LCOR: variants seen among roughly 807,000 people sequenced by gnomAD.
The protein encoded by LCOR is ligand dependent nuclear receptor corepressor, also known as ligand-dependent corepressor.
A neutral mutation model predicts 64.4 loss-of-function variants in LCOR; 14 were observed. That is an observed-to-expected ratio of 0.22 (90% confidence interval 0.14 to 0.34). The LOEUF (loss-of-function observed/expected upper bound fraction) is 0.34, where lower values mean the gene tolerates loss of function less well. Among genes scored for constraint, LCOR ranks in the 10% least tolerant of loss-of-function variants. The probability of loss-of-function intolerance (pLI) is 1.00; values close to 1 mark genes in which losing one functional copy is unlikely to be tolerated. For synonymous variants in LCOR, 643 were observed against 642.5 expected, an observed-to-expected ratio of 1.00 and a Z score of -0.01; for missense variants, 1,686 against 1,765.3, an observed-to-expected ratio of 0.96 and a Z score of 0.80.
At chr10:96,878,386 A>T (rs1045503824) in intron 2 of LCOR, among the ~76,000 whole-genome samples, 1 of 152,208 alleles carries the variant, frequency 6.6e-6, no homozygotes, top group Non-Finnish European at 1.5e-5. Context: ...AGAGGACAGA[A>T]GTGATTAGGA....
intron 7 of LCOR, among the ~76,000 whole-genome samples, chr10:96,965,099 C>T (rs1232587210): frequency 1.3e-5 from 2 of 151,660 alleles, no homozygotes; most frequent in East Asian, 4.0e-4. Context: ...AGCTCTGCTT[C>T]CTGGGTTCAC....
At chr10:96,953,757 AAAATG>A (rs1309632826) in intron 7 of LCOR, among the ~76,000 whole-genome samples, 1 of 152,198 alleles carries the variant, frequency 6.6e-6, no homozygotes, top group Non-Finnish European at 1.5e-5. Context: ...TTATGGAAGA[AAAATG>A]CACCAATAGG....
At chr10:96,926,122 G>C (rs1324596706) in intron 4 of LCOR, among the ~76,000 whole-genome samples, 1 of 152,098 alleles carries the variant, frequency 6.6e-6, no homozygotes, top group East Asian at 1.9e-4. Flanking sequence ...TTTTTCTAAA[G>C]AGATCTGGTT....
intron 7 of LCOR, among the ~76,000 whole-genome samples, chr10:96,972,809 A>C (rs532424327): frequency 2.6e-5 from 4 of 152,126 alleles, no homozygotes; most frequent in Non-Finnish European, 5.9e-5. Context: ...TTTTTCCCCC[A>C]GTTTCGATTA....
chr10:96,918,355 A>G (rs151330552), intron 4 of LCOR, among the ~76,000 whole-genome samples: 5 of 152,230 alleles, frequency 3.3e-5, no homozygotes, highest in Non-Finnish European at 5.9e-5. Flanking sequence ...ACATACTACA[A>G]TGGGCTTTGA....
At chr10:96,884,027 A>G (rs950356101) in intron 2 of LCOR, among the ~76,000 whole-genome samples, 1 of 148,602 alleles carries the variant, frequency 6.7e-6, no homozygotes, top group East Asian at 1.9e-4. Context: ...AAATGTTTAT[A>G]CTGTTAAATA....
At chr10:96,942,896 A>G (rs1271906962) in intron 4 of LCOR, among the ~76,000 whole-genome samples, 1 of 152,234 alleles carries the variant, frequency 6.6e-6, no homozygotes, top group South Asian at 2.1e-4. Context: ...TATATGCACT[A>G]GAACTTAACA....
At chr10:96,864,522 G>T (rs7921885) in intron 2 of LCOR, among the ~76,000 whole-genome samples, 21,436 of 152,042 alleles carry the variant, frequency 0.14, 2,082 homozygotes, top group African/African-American at 0.27. Context: ...GTTCCTGCTC[G>T]CATGGCACTT....
chr10:96,844,500 AC>A (rs1183697764), intron 2 of LCOR, among the ~76,000 whole-genome samples: 1 of 152,118 alleles, frequency 6.6e-6, no homozygotes, highest in Non-Finnish European at 1.5e-5. Flanking sequence ...CCATAATCTT[AC>A]CATAAACAGG....
intron 2 of LCOR, among the ~76,000 whole-genome samples, chr10:96,903,639 G>T (rs984131801): frequency 8.5e-5 from 13 of 152,066 alleles, no homozygotes; most frequent in Non-Finnish European, 1.6e-4. Context: ...AGGCTATATT[G>T]CTGACCTTAG....
chr10:96,937,008 CTG>C (rs949386637), intron 4 of LCOR, among the ~76,000 whole-genome samples: 4 of 152,132 alleles, frequency 2.6e-5, no homozygotes, highest in Non-Finnish European at 4.4e-5. Context: ...CCATGGGTAA[CTG>C]TGGAAAGCAA....
intron 4 of LCOR, among the ~76,000 whole-genome samples, chr10:96,912,089 G>A (rs979888840): frequency 6.6e-6 from 1 of 151,696 alleles, no homozygotes; most frequent in African/African-American, 2.4e-5. Context: ...ATGCCACCAC[G>A]CCCAGCTAAT....
rs1848185951 is a variant in LCOR, at chr10:96,990,091, G to GCT, written c.*4961_*4962dup. The GCT allele has an allele frequency of 6.6e-6, 1 of 152,016 alleles. No individual in the cohort carries two copies. Among genetic ancestry groups the GCT allele is most frequent in the Admixed American group, 6.6e-5 (1 of 15,260 alleles). The allele number at this position is 152,016 out of a possible 1,614,324, so 9.4% of individuals were successfully genotyped here. Reference sequence around the variant, plus strand: ...GCAGTAAGTGCTATTCCCCATGCTTGCTCTCAAATCCTTTTCAGGGGAAAA... The same window carrying GCT: ...GCAGTAAGTGCTATTCCCCATGCTTGCTCTCTCAAATCCTTTTCAGGGGAAAA... On this transcript the variant is annotated 3_prime_UTR_variant, in exon 8 of 8. Coordinates refer to ENST00000421806, the MANE Select transcript of LCOR (RefSeq NM_001346516.2).
chr10:96,982,670 A>G lies in LCOR; in HGVS notation c.2210A>G (p.Asp737Gly). Reference sequence around the variant, plus strand: ...ATCAGTGCTGAGGTTGAGTCTGGAGACACCCAGGAGCTAAATGTCGACCCA... The same window carrying G: ...ATCAGTGCTGAGGTTGAGTCTGGAGGCACCCAGGAGCTAAATGTCGACCCA... ...QSISAEVESG[D>G]TQELNVDPLL... The change falls in exon 8 of 8, where the codon GAC becomes GGC. Residue 737 changes from aspartate (D) to glycine (G), a missense_variant. Physicochemically the swap from Asp to Gly is moderately conservative, Grantham distance 94. Coordinates refer to ENST00000421806, the MANE Select transcript of LCOR (RefSeq NM_001346516.2). 6.2e-7 allele frequency: 1 copy of G among 1,614,130 alleles called. No homozygotes were observed. Among genetic ancestry groups the G allele is most frequent in the Non-Finnish European group, 8.5e-7 (1 of 1,180,026 alleles).
rs140119687 is a variant in LCOR, at chr10:96,916,895, G to A, written c.-184+9148G>A. Reference sequence around the variant, plus strand: ...TTCCCAAAGTGCTGGGATTACAGGCGTGAGCCACTGTGCCCAGCCTCTATG... The same window carrying A: ...TTCCCAAAGTGCTGGGATTACAGGCATGAGCCACTGTGCCCAGCCTCTATG... On this transcript the variant is annotated intron_variant, in intron 4 of 7. Transcript: ENST00000421806. Among the ~76,000 whole-genome samples the A allele has an allele frequency of 5.8e-3, 889 of 152,288 alleles. 18 individuals are homozygous for A. The highest frequency in any genetic ancestry group is 0.02 in the African/African-American group (825 of 41,546).
chr10:96,969,774 CTTTTTTT>C (rs58881683), intron 7 of LCOR, among the ~76,000 whole-genome samples: 2 of 124,114 alleles, frequency 1.6e-5, no homozygotes, highest in African/African-American at 6.1e-5. Flanking sequence ...TTTTTTTTTT[CTTTTTTT>C]TTTTTTTTCT....
chr10:96,986,238 T>G lies in LCOR; in HGVS notation c.*1104T>G, dbSNP rs1478216199. 6.0e-6 allele frequency: 1 copy of G among 166,746 alleles called. No homozygotes were observed. The highest frequency in any genetic ancestry group is 2.1e-4 in the South Asian group (1 of 4,824). The allele number at this position is 166,746 out of a possible 1,614,324, so 10.3% of individuals were successfully genotyped here. ...CTTGGGTGTCCCTGAGTTGAGTAAT[T>G]AGCAAAGGACAGATGGTTTAAAAGT... On this transcript the variant is annotated 3_prime_UTR_variant, in exon 8 of 8. Coordinates refer to ENST00000421806, the MANE Select transcript of LCOR (RefSeq NM_001346516.2).
chr10:96,864,190 G>C (rs931602427), intron 2 of LCOR, among the ~76,000 whole-genome samples: 30 of 152,122 alleles, frequency 2.0e-4, no homozygotes, highest in Admixed American at 2.0e-3. Flanking sequence ...CAACTAAGAA[G>C]GGACCAATAG....
At chr10:96,843,801 C>T (rs989058690) in intron 2 of LCOR, among the ~76,000 whole-genome samples, 7 of 152,248 alleles carry the variant, frequency 4.6e-5, no homozygotes, top group African/African-American at 1.2e-4. Flanking sequence ...TTTCCCACCT[C>T]GCATCCCCAT....
Sources: allele counts gnomAD v4.1 joint callset (sites outside exome capture counted in the v4.1 genomes callset), GRCh38; gene constraint gnomAD v4.1.1; transcripts MANE v1.5; gene names NCBI Gene and HGNC (gene_info 2026-07-23, HGNC 2026-07-21).